The following PAFAH1B1 variants were observed in gnomAD, a reference collection of about 807,000 sequenced individuals.
The protein encoded by PAFAH1B1 is platelet-activating factor acetylhydrolase IB subunit beta.
In PAFAH1B1, 2 loss-of-function variants were observed where a neutral mutation model predicts 57.5. The ratio of observed to expected loss-of-function variants is 0.03; its 90% CI spans 0.01 to 0.11. The LOEUF (loss-of-function observed/expected upper bound fraction) is 0.11. Ranked by LOEUF, PAFAH1B1 falls within the 10% of genes least tolerant of loss-of-function variation. The pLI, the probability that PAFAH1B1 is intolerant of heterozygous loss-of-function variation, is 1.00. For synonymous variants in PAFAH1B1, 152 were observed against 169.6 expected, an observed-to-expected ratio of 0.90 and a Z score of 0.81; for missense variants, 257 against 512.0, an observed-to-expected ratio of 0.50 and a Z score of 4.81.
intron 1 of PAFAH1B1, among the ~76,000 whole-genome samples, chr17:2,622,700 C>G (rs546306104): frequency 2.6e-5 from 4 of 152,282 alleles, no homozygotes; most frequent in Non-Finnish European, 4.4e-5. Context: ...GTCTGGAAGA[C>G]AGTGGCCCTC....
chr17:2,612,189 TGCC>T lies in PAFAH1B1; in HGVS notation c.-191+18184_-191+18186del, dbSNP rs551436635. Among the ~76,000 whole-genome samples the T allele has an allele frequency of 2.4e-3, 359 of 151,998 alleles. 1 individual carries two copies. Among genetic ancestry groups the T allele is most frequent in the Non-Finnish European group, 4.3e-3 (292 of 67,976 alleles). On this transcript the variant is annotated intron_variant, in intron 1 of 10. Coordinates refer to ENST00000397195, the MANE Select transcript of PAFAH1B1 (RefSeq NM_000430.4). ...TAAAGCTTTGAATATTGAATAAATGTGCCATTTTGGGAAAATGGCACTTTTTTT... is the reference window on the plus strand; with the variant it reads ...TAAAGCTTTGAATATTGAATAAATGTATTTTGGGAAAATGGCACTTTTTTT...
rs1454571092 is a variant in PAFAH1B1 at position 2,683,506 on chromosome 17, A to G, written c.*1704A>G. ...GAGAGTTAGCGTCCTGTAGATACACACAGAGACTAGGCCGTATATTAACTA... is the reference window on the plus strand; with the variant it reads ...GAGAGTTAGCGTCCTGTAGATACACGCAGAGACTAGGCCGTATATTAACTA... On this transcript the variant is annotated 3_prime_UTR_variant, in exon 11 of 11. Transcript: ENST00000397195. The G allele has an allele frequency of 2.0e-5, 3 of 152,238 alleles. No homozygotes were observed. The allele number at this position is 152,238 out of a possible 1,614,324, so 9.4% of individuals were successfully genotyped here. A position where few individuals can be genotyped will look rare whatever the true frequency, so the allele number is the denominator to read the frequency against.
At chr17:2,660,945 T>C (rs992319967) in intron 2 of PAFAH1B1, among the ~76,000 whole-genome samples, 2 of 152,218 alleles carry the variant, frequency 1.3e-5, no homozygotes, top group African/African-American at 4.8e-5. Flanking sequence ...ATCGCCATTC[T>C]GACTGGTGTG....
chr17:2,633,961 CT>C (rs553588827), intron 1 of PAFAH1B1, among the ~76,000 whole-genome samples: 13,703 of 119,442 alleles, frequency 0.11, 1,906 homozygotes, highest in African/African-American at 0.36. Context: ...AGTACCAAAC[CT>C]TTTTTTTTTT....
intron 1 of PAFAH1B1, among the ~76,000 whole-genome samples, chr17:2,618,920 A>T (rs376653929): frequency 3.6e-5 from 5 of 138,808 alleles, no homozygotes; most frequent in South Asian, 2.3e-4. Context: ...GTACCATTGC[A>T]CTCTAGGCTG....
At position 2,674,323 on chromosome 17, in the gene PAFAH1B1, G is replaced by C. The variant is rs762587840; in HGVS notation, c.900+35G>C. On this transcript the variant is annotated intron_variant, in intron 8 of 10. Coordinates refer to ENST00000397195, the MANE Select transcript of PAFAH1B1 (RefSeq NM_000430.4). ...ATACAAATGTCTTCATGGTTTTATT[G>C]CTGATATCTGAAGTCCTTAGATAAC... The C allele has an allele frequency of 1.7e-5, 25 of 1,480,000 alleles. No homozygotes were observed. The Middle Eastern group carries it at 5.1e-4, about 30-fold the overall frequency. The allele number at this position is 1,480,000 out of a possible 1,614,324, so 91.7% of individuals were successfully genotyped here.
chr17:2,616,674 A>G (rs2068345516), intron 1 of PAFAH1B1, among the ~76,000 whole-genome samples: 1 of 152,188 alleles, frequency 6.6e-6, no homozygotes, highest in Non-Finnish European at 1.5e-5. Flanking sequence ...TGTTTGATCA[A>G]ATATACTGGG....
At chr17:2,630,631 C>T (rs865991605) in intron 1 of PAFAH1B1, among the ~76,000 whole-genome samples, 54 of 152,108 alleles carry the variant, frequency 3.6e-4, no homozygotes, top group Non-Finnish European at 6.8e-4. Context: ...GTTCTTTGTG[C>T]TTCTTGTATT....
chr17:2,668,483 T>TA (rs1188702164), intron 5 of PAFAH1B1, among the ~76,000 whole-genome samples: 1 of 150,960 alleles, frequency 6.6e-6, no homozygotes, highest in African/African-American at 2.4e-5. Context: ...GCTCAGGAGT[T>TA]AGAGAGCAGC....
At chr17:2,665,520 AG>A in intron 3 of PAFAH1B1, 64 bp downstream of exon 3, 1 of 924,584 alleles carries the variant, frequency 1.1e-6, no homozygotes, top group Non-Finnish European at 1.8e-6. Context: ...AAGTATCTGT[AG>A]TTAACAGTTA....
chr17:2,647,187 TAAA>T (rs775363850), intron 2 of PAFAH1B1, among the ~76,000 whole-genome samples: 1 of 152,116 alleles, frequency 6.6e-6, no homozygotes, highest in Non-Finnish European at 1.5e-5. Context: ...CCTTCTCTAC[TAAA>T]AATACAAAAA....
Position 2,667,231 on chromosome 17 carries a change from G to A in PAFAH1B1, c.399+33G>A, listed in dbSNP as rs759624034. The A allele has an allele frequency of 5.9e-6, 9 of 1,522,032 alleles. No individual in the cohort carries two copies. In the African/African-American group the frequency reaches 8.2e-5, roughly 14 times the overall value. The allele number at this position is 1,522,032 out of a possible 1,614,324, so 94.3% of individuals were successfully genotyped here. On this transcript the variant is annotated intron_variant, in intron 5 of 10. Transcript: ENST00000397195. Reference sequence around the variant, plus strand: ...TTTGTTAAAAGCAGACTTAACGGGAGGCTGAAGCAGGAGAATGGCATGAAC... The same window carrying A: ...TTTGTTAAAAGCAGACTTAACGGGAAGCTGAAGCAGGAGAATGGCATGAAC...
chr17:2,611,691 T>G (rs985173724), intron 1 of PAFAH1B1, among the ~76,000 whole-genome samples: 1 of 152,138 alleles, frequency 6.6e-6, no homozygotes, highest in African/African-American at 2.4e-5. Context: ...AGAGTGAGAG[T>G]ACGTCTTTAC....
intron 1 of PAFAH1B1, among the ~76,000 whole-genome samples, chr17:2,632,703 C>T (rs2068570561): frequency 6.6e-6 from 1 of 152,150 alleles, no homozygotes. Flanking sequence ...ATTATAACAA[C>T]TATTTACATA....
chr17:2,652,693 T>C lies in PAFAH1B1; in HGVS notation c.33-12679T>C, dbSNP rs139490124. 9.4e-4 allele frequency among the ~76,000 whole-genome samples: 143 copies of C among 152,312 alleles called. 1 individual carries two copies. Among genetic ancestry groups the C allele is most frequent in the Non-Finnish European group, 1.5e-3 (101 of 68,014 alleles). On this transcript the variant is annotated intron_variant, in intron 2 of 10. Coordinates refer to ENST00000397195, the MANE Select transcript of PAFAH1B1 (RefSeq NM_000430.4). ...CATGGGAATGTACTATAGCTGCACATGTTCATGTAGTGGCGTTAGATGCCA... is the reference window on the plus strand; with the variant it reads ...CATGGGAATGTACTATAGCTGCACACGTTCATGTAGTGGCGTTAGATGCCA...
At chr17:2,655,183 ATGTGTGTGTGTGTG>A (rs34493806) in intron 2 of PAFAH1B1, among the ~76,000 whole-genome samples, 2 of 143,826 alleles carry the variant, frequency 1.4e-5, no homozygotes, top group East Asian at 2.0e-4. Flanking sequence ...ATATACATAT[ATGTGTGTGTGTGTG>A]TGTGTGTGTG....
chr17:2,618,483 C>A (rs1056596914), intron 1 of PAFAH1B1, among the ~76,000 whole-genome samples: 1 of 152,084 alleles, frequency 6.6e-6, no homozygotes, highest in South Asian at 2.1e-4. Flanking sequence ...GTTACTCTTA[C>A]GGAGTATTTT....
Position 2,658,738 on chromosome 17 carries a change from A to G in PAFAH1B1, c.33-6634A>G, listed in dbSNP as rs2068972931. Among the ~76,000 whole-genome samples, 4 of 152,312 alleles carry G rather than the reference A, an allele frequency of 2.6e-5. No individual in the cohort carries two copies. In the South Asian group the frequency reaches 8.3e-4, roughly 32 times the overall value. ...AGGTCTCATTATAACCTCTTGCTGA[A>G]CTTGTACTTGTCCTAAGACTGGTAG... On this transcript the variant is annotated intron_variant, in intron 2 of 10. Transcript: ENST00000397195.
At chr17:2,599,622 C>T (rs1004186029) in intron 1 of PAFAH1B1, among the ~76,000 whole-genome samples, 2 of 152,044 alleles carry the variant, frequency 1.3e-5, no homozygotes, top group Admixed American at 6.6e-5. Flanking sequence ...TAGTTGACTC[C>T]GGTGATCTCA....
Sources: allele counts gnomAD v4.1 joint callset (sites outside exome capture counted in the v4.1 genomes callset), GRCh38; gene constraint gnomAD v4.1.1; transcripts MANE v1.5; gene names NCBI Gene and HGNC (gene_info 2026-07-23, HGNC 2026-07-21).